The following CUBN variants were observed in gnomAD, a reference collection of about 807,000 sequenced individuals.
The protein encoded by CUBN is 460 kDa receptor.
CUBN carries 282 observed loss-of-function variants against 405.3 expected under a neutral mutation model. That is an observed-to-expected ratio of 0.70 (90% CI 0.63 to 0.77). The LOEUF (loss-of-function observed/expected upper bound fraction) is 0.77. Among genes scored for constraint, CUBN ranks in the 30% least tolerant of loss-of-function variants. CUBN has a pLI of 0.00. For synonymous variants in CUBN, 1,684 were observed against 1,617.0 expected (o/e 1.04, Z -0.99); for missense variants, 4,514 against 4,475.2 (o/e 1.01, Z -0.25).
intron 27 of CUBN, among the ~76,000 whole-genome samples, chr10:17,033,110 C>T (rs955917887): frequency 2.0e-5 from 3 of 152,058 alleles, no homozygotes; most frequent in Admixed American, 2.0e-4. Context: ...CAGATCTGAC[C>T]ACATCCTTGA....
chr10:17,111,142 C>T (rs1836763509), intron 8 of CUBN, 92 bp from the exon 9 acceptor site: 2 of 1,377,506 alleles, frequency 1.5e-6, no homozygotes, highest in South Asian at 1.2e-5. Context: ...ACCTTCTCCA[C>T]CTAAGGAACT....
At chr10:16,888,355 A>G in intron 56 of CUBN, 62 bp downstream of exon 56, 1 of 1,318,706 alleles carries the variant, frequency 7.6e-7, no homozygotes, top group Non-Finnish European at 1.1e-6. Context: ...CATGTTGTAC[A>G]CCATAAATAT....
intron 48 of CUBN, 110 bp from the exon 49 acceptor site, chr10:16,907,789 C>G: frequency 9.2e-7 from 1 of 1,084,068 alleles, no homozygotes; most frequent in South Asian, 1.3e-5. Flanking sequence ...AACCCTGCCC[C>G]AAAATGAATG....
intron 53 of CUBN, 133 bp downstream of exon 53, chr10:16,900,492 G>T (rs941928582): frequency 9.4e-6 from 7 of 747,448 alleles, no homozygotes; most frequent in Non-Finnish European, 1.7e-5. Context: ...TCCCACCAGG[G>T]TTGCTGCATG....
At chr10:16,990,931 C>T (rs954341194) in intron 28 of CUBN, among the ~76,000 whole-genome samples, 1 of 152,122 alleles carries the variant, frequency 6.6e-6, no homozygotes, top group Non-Finnish European at 1.5e-5. Flanking sequence ...GTCCTTGTAG[C>T]TAATACATTA....
At chr10:16,875,960 C>A (rs990944841) in intron 57 of CUBN, among the ~76,000 whole-genome samples, 1 of 152,126 alleles carries the variant, frequency 6.6e-6, no homozygotes, top group African/African-American at 2.4e-5. Context: ...CTGCTAGAGC[C>A]AACAGAGCTA....
chr10:16,940,905 G>A (rs1168879721), intron 36 of CUBN, among the ~76,000 whole-genome samples: 4 of 152,134 alleles, frequency 2.6e-5, no homozygotes, highest in East Asian at 3.9e-4. Flanking sequence ...TTCTGGAGAG[G>A]CAGCAAAATT....
intron 14 of CUBN, among the ~76,000 whole-genome samples, chr10:17,098,725 A>G (rs1836431385): frequency 1.3e-5 from 2 of 152,230 alleles, no homozygotes; most frequent in African/African-American, 4.8e-5. Context: ...GAATTTAACA[A>G]TGTATATGGA....
chr10:17,108,066 T>C (rs921032742), intron 10 of CUBN, among the ~76,000 whole-genome samples: 7 of 152,200 alleles, frequency 4.6e-5, no homozygotes, highest in Non-Finnish European at 1.0e-4. Flanking sequence ...CAAAGTGTTA[T>C]TAATACTTCA....
intron 17 of CUBN, among the ~76,000 whole-genome samples, chr10:17,078,382 T>C (rs1387743117): frequency 1.3e-5 from 2 of 152,220 alleles, no homozygotes; most frequent in African/African-American, 4.8e-5. Context: ...CTCTCAGTTC[T>C]TTGCATTGCT....
intron 31 of CUBN, among the ~76,000 whole-genome samples, chr10:16,962,679 C>G: frequency 6.6e-6 from 1 of 152,184 alleles, no homozygotes. Context: ...CTCTTGTCCT[C>G]TCTATTGCTT....
At chr10:17,007,318 C>T (rs1263981630) in intron 28 of CUBN, among the ~76,000 whole-genome samples, 1 of 152,030 alleles carries the variant, frequency 6.6e-6, no homozygotes, top group Non-Finnish European at 1.5e-5. Context: ...GGGTGGGGCC[C>T]TCTTTGAGGA....
rs576274350 is a variant in CUBN at position 16,879,069 on chromosome 10, G to T, written c.8906-1972C>A. Among the ~76,000 whole-genome samples, 6 of 152,214 alleles carry T rather than the reference G, an allele frequency of 3.9e-5. No homozygotes were observed. The South Asian group carries it at 8.3e-4, about 21-fold the overall frequency. Reference sequence around the variant, plus strand: ...GTGGGCACATGCTTTCAGTTCCTTTGGGTATATAAATGGGAGTGAAATTAT... The same window carrying T: ...GTGGGCACATGCTTTCAGTTCCTTTTGGTATATAAATGGGAGTGAAATTAT... On this transcript the variant is annotated intron_variant, in intron 56 of 66. Coordinates refer to ENST00000377833, the MANE Select transcript of CUBN (RefSeq NM_001081.4).
intron 31 of CUBN, among the ~76,000 whole-genome samples, chr10:16,973,823 G>T (rs925243068): frequency 3.9e-5 from 6 of 152,160 alleles, no homozygotes; most frequent in African/African-American, 1.4e-4. Context: ...ACATGGTCTT[G>T]TTCATTCTTG....
At chr10:17,070,159 T>C (rs971955236) in intron 19 of CUBN, among the ~76,000 whole-genome samples, 2 of 152,230 alleles carry the variant, frequency 1.3e-5, no homozygotes, top group African/African-American at 4.8e-5. Context: ...GGCATCATTT[T>C]CATATATCAA....
chr10:16,988,600 A>G (rs1479894027), intron 29 of CUBN, among the ~76,000 whole-genome samples: 1 of 152,108 alleles, frequency 6.6e-6, no homozygotes, highest in Non-Finnish European at 1.5e-5. Context: ...TAAATTACTA[A>G]AAGTGATGAA....
In CUBN at chr10:17,122,786, A is replaced by G; in HGVS notation, c.593+9T>C. 6.3e-7 allele frequency: 1 copy of G among 1,592,840 alleles called. No homozygotes were observed. Among genetic ancestry groups the G allele is most frequent in the Non-Finnish European group, 8.6e-7 (1 of 1,162,068 alleles). On this transcript the variant is annotated intron_variant, in intron 6 of 66. Coordinates refer to ENST00000377833, the MANE Select transcript of CUBN (RefSeq NM_001081.4). ...ACTGATATTTACCAAAAAAAAAAAAAAAAGTTACCTGTAACTTCCCATTGT... is the reference window on the plus strand; with the variant it reads ...ACTGATATTTACCAAAAAAAAAAAAGAAAGTTACCTGTAACTTCCCATTGT...
intron 22 of CUBN, among the ~76,000 whole-genome samples, chr10:17,050,147 C>T (rs1215981863): frequency 6.6e-6 from 1 of 151,904 alleles, no homozygotes. Flanking sequence ...CTCATTTTTC[C>T]TCTCTCTCTC....
chr10:17,109,593 A>C, intron 10 of CUBN, 47 bp downstream of exon 10: 1 of 1,420,968 alleles, frequency 7.0e-7, no homozygotes, highest in Non-Finnish European at 1.0e-6. Context: ...TTGGTTTAGA[A>C]GGTCATATTA....
Sources: allele counts gnomAD v4.1 joint callset (sites outside exome capture counted in the v4.1 genomes callset), GRCh38; gene constraint gnomAD v4.1.1; transcripts MANE v1.5; gene names NCBI Gene and HGNC (gene_info 2026-07-23, HGNC 2026-07-21).